SPON1: variants seen among roughly 807,000 people sequenced by gnomAD.
SPON1 encodes the protein spondin 1.
A neutral mutation model predicts 111.7 loss-of-function variants in SPON1; 52 were observed. The ratio of observed to expected loss-of-function variants is 0.47; its 90% CI spans 0.37 to 0.59. SPON1 has a LOEUF of 0.59. SPON1 is among the 20% of genes least tolerant of loss of function. The pLI, the probability that SPON1 is intolerant of heterozygous loss-of-function variation, is 0.00. For synonymous variants in SPON1, 410 were observed against 395.8 expected (o/e 1.04, Z -0.43); for missense variants, 957 against 1,068.5 (o/e 0.90, Z 1.46).
At chr11:13,986,640 T>C (rs189783148) in intron 2 of SPON1, among the ~76,000 whole-genome samples, 1 of 152,092 alleles carries the variant, frequency 6.6e-6, no homozygotes, top group East Asian at 1.9e-4. Flanking sequence ...GGTATACATG[T>C]GCCATGGTGG....
intron 1 of SPON1, among the ~76,000 whole-genome samples, chr11:13,966,910 T>C (rs1554908064): frequency 6.6e-6 from 1 of 152,228 alleles, no homozygotes; most frequent in African/African-American, 2.4e-5. Flanking sequence ...CAAAAGAAAT[T>C]GTCACACAGT....
At chr11:14,221,138 T>C (rs1848676257) in intron 6 of SPON1, among the ~76,000 whole-genome samples, 1 of 152,216 alleles carries the variant, frequency 6.6e-6, no homozygotes, top group Admixed American at 6.5e-5. Flanking sequence ...GCCCATTCAT[T>C]TATTCAACCA....
chr11:14,184,365 C>T (rs1296206028), intron 6 of SPON1, among the ~76,000 whole-genome samples: 1 of 152,146 alleles, frequency 6.6e-6, no homozygotes, highest in Non-Finnish European at 1.5e-5. Flanking sequence ...TAACTCCTGC[C>T]TCAGATCCTT....
chr11:14,131,213 T>C (rs982024828), intron 5 of SPON1, among the ~76,000 whole-genome samples: 1 of 152,230 alleles, frequency 6.6e-6, no homozygotes, highest in African/African-American at 2.4e-5. Flanking sequence ...TGTAGGGAGA[T>C]GAACGTGTGT....
rs1554925666 is a variant in SPON1 at position 14,113,586 on chromosome 11, T to A, written c.677-21834T>A. On this transcript the variant is annotated intron_variant, in intron 5 of 15. Transcript: ENST00000576479. ...TTTTTAAATTTTTTTTTTTTTTTTT[T>A]TTTTTTTTTTTTTTTTTTTTTTTTT... 6.9e-4 allele frequency among the ~76,000 whole-genome samples: 22 copies of A among 32,038 alleles called. 1 individual carries two copies. The highest frequency in any genetic ancestry group is 2.0e-3 in the African/African-American group (15 of 7,562). The allele number at this position is 32,038 out of a possible 152,430, so 21.0% of individuals were successfully genotyped here. A position where few individuals can be genotyped will look rare whatever the true frequency, so the allele number is the denominator to read the frequency against.
At chr11:14,024,578 G>T (rs1196763599) in intron 2 of SPON1, among the ~76,000 whole-genome samples, 1 of 152,098 alleles carries the variant, frequency 6.6e-6, no homozygotes, top group Non-Finnish European at 1.5e-5. Flanking sequence ...TGCTGGTGTG[G>T]TCCTCTGCTC....
intron 2 of SPON1, among the ~76,000 whole-genome samples, chr11:14,025,966 A>G (rs1487052270): frequency 6.6e-6 from 1 of 152,122 alleles, no homozygotes; most frequent in Non-Finnish European, 1.5e-5. Context: ...ATCCTACAAT[A>G]CACCATACTG....
intron 2 of SPON1, among the ~76,000 whole-genome samples, chr11:14,022,184 A>G (rs1447622764): frequency 2.0e-5 from 3 of 152,214 alleles, no homozygotes; most frequent in African/African-American, 7.2e-5. Flanking sequence ...ATGCTTTGGG[A>G]GAAAAGACAT....
intron 5 of SPON1, among the ~76,000 whole-genome samples, chr11:14,100,442 G>A (rs1232988168): frequency 6.6e-6 from 1 of 151,592 alleles, no homozygotes; most frequent in African/African-American, 2.4e-5. Context: ...TCTTCTGCTG[G>A]ATTAAAAGTG....
chr11:13,963,229 G>C, intron 1 of SPON1, 87 bp downstream of exon 1: 1 of 1,056,008 alleles, frequency 9.5e-7, no homozygotes, highest in South Asian at 1.8e-5. Flanking sequence ...AGGGCGCGCG[G>C]TCTCCGGGCG....
intron 5 of SPON1, among the ~76,000 whole-genome samples, chr11:14,103,553 C>T (rs939233397): frequency 2.0e-5 from 3 of 152,168 alleles, no homozygotes; most frequent in Admixed American, 6.5e-5. Context: ...GAGGAGGATT[C>T]ATCACTCCAT....
intron 3 of SPON1, among the ~76,000 whole-genome samples, chr11:14,048,749 T>C (rs1848687460): frequency 6.6e-6 from 1 of 152,158 alleles, no homozygotes; most frequent in Non-Finnish European, 1.5e-5. Flanking sequence ...AGAATAAATG[T>C]TTACAGACCC....
rs567828934 is a variant in SPON1 at position 14,029,785 on chromosome 11, C to A, written c.346-11736C>A. Among the ~76,000 whole-genome samples, 14 of 152,252 alleles carry A rather than the reference C, an allele frequency of 9.2e-5. No individual in the cohort carries two copies. In the South Asian group the frequency reaches 2.9e-3, roughly 32 times the overall value. On this transcript the variant is annotated intron_variant, in intron 2 of 15. Transcript: ENST00000576479. ...TTAAATATGGAGTTTTGCTGGGGAC[C>A]CTTGGCTGCCTCCTGTCTCCACTGG...
At position 14,192,743 on chromosome 11, in the gene SPON1, T is replaced by C. The variant is rs555801996; in HGVS notation, c.826-50589T>C. Among the ~76,000 whole-genome samples the C allele has an allele frequency of 6.4e-4, 79 of 122,564 alleles. 2 individuals are homozygous for C. The highest frequency in any genetic ancestry group is 9.6e-4 in the South Asian group (3 of 3,140). 80.4% of individuals were successfully genotyped at this position (122,564 alleles called of 152,430 possible). On this transcript the variant is annotated intron_variant, in intron 6 of 15. Coordinates refer to ENST00000576479, the MANE Select transcript of SPON1 (RefSeq NM_006108.4). ...TGAGGTGCCCCACCCCCCGCCCCCA[T>C]CACAGGATGCAACGTCTGGAAAGAG...
intron 2 of SPON1, among the ~76,000 whole-genome samples, chr11:13,987,450 A>G (rs1413644603): frequency 3.9e-5 from 6 of 152,174 alleles, no homozygotes; most frequent in Admixed American, 6.5e-5. Flanking sequence ...TTCTGGATAT[A>G]AGCCCTTTGT....
At chr11:13,968,478 T>G (rs531048337) in intron 1 of SPON1, among the ~76,000 whole-genome samples, 14 of 152,342 alleles carry the variant, frequency 9.2e-5, no homozygotes, top group African/African-American at 3.1e-4. Context: ...GAAAATTTAG[T>G]ATACAAAGAG....
At chr11:14,010,286 C>T (rs868983432) in intron 2 of SPON1, among the ~76,000 whole-genome samples, 1 of 151,812 alleles carries the variant, frequency 6.6e-6, no homozygotes, top group Non-Finnish European at 1.5e-5. Context: ...GGTTGGCAAC[C>T]CTGTAGTAGA....
At chr11:13,963,213 C>G (rs1218309467) in intron 1 of SPON1, 71 bp downstream of exon 1, 2 of 1,208,690 alleles carry the variant, frequency 1.7e-6, no homozygotes, top group Non-Finnish European at 2.2e-6. Flanking sequence ...CTCGCGGTGC[C>G]GGAGGAGGGC....
intron 6 of SPON1, among the ~76,000 whole-genome samples, chr11:14,195,169 T>C (rs1281693173): frequency 6.6e-6 from 1 of 152,198 alleles, no homozygotes; most frequent in East Asian, 1.9e-4. Context: ...AAAAATAGCA[T>C]GTTTTCTTTT....
Sources: gnomAD v4.1 joint callset for allele counts (sites outside exome capture counted in the v4.1 genomes callset) on GRCh38, gnomAD v4.1.1 for gene constraint, MANE v1.5 for transcripts, NCBI Gene and HGNC (gene_info 2026-07-23, HGNC 2026-07-21) for gene names.